The following CCDC83 variants were observed in gnomAD, a reference collection of about 807,000 sequenced individuals.
The protein encoded by CCDC83 is coiled-coil domain containing 83.
Under a neutral mutation model 50.1 loss-of-function variants are expected in CCDC83, and 54 were observed. The observed-to-expected ratio is 1.08, with a 90% confidence interval of 0.87 to 1.35. The LOEUF (loss-of-function observed/expected upper bound fraction) is 1.35, where lower values mean the gene tolerates loss of function less well. Ranked by LOEUF, CCDC83 falls within the 40% of genes most tolerant of loss-of-function variation. CCDC83 has a pLI of 0.00. For missense variants in CCDC83, 518 were observed against 473.9 expected, an observed-to-expected ratio of 1.09 and a Z score of -0.86; for synonymous variants, 161 against 153.3, an observed-to-expected ratio of 1.05 and a Z score of -0.37.
rs1402797885 is a variant in CCDC83 at position 85,895,404 on chromosome 11, A to G, written c.603+20A>G. Reference sequence around the variant, plus strand: ...ACACAGGTATAATTCAATTTTCTTAAAAACAGAACAAAACAAACATTTTCC... The same window carrying G: ...ACACAGGTATAATTCAATTTTCTTAGAAACAGAACAAAACAAACATTTTCC... On this transcript the variant is annotated intron_variant, in intron 6 of 10. Transcript: ENST00000342404. 7.4e-7 allele frequency: 1 copy of G among 1,352,854 alleles called. No individual in the cohort carries two copies. The highest frequency in any genetic ancestry group is 2.0e-5 in the Admixed American group (1 of 49,228). 83.8% of individuals were successfully genotyped at this position (1,352,854 alleles called of 1,614,324 possible). A position where few individuals can be genotyped will look rare whatever the true frequency, so the allele number is the denominator to read the frequency against.
chr11:85,898,852 C>A, intron 6 of CCDC83, 95 bp from the exon 7 acceptor site: 2 of 875,556 alleles, frequency 2.3e-6, no homozygotes, highest in Non-Finnish European at 3.8e-6. Context: ...CAGACACAAT[C>A]TAAAATGAAT....
chr11:85,915,375 A>G (rs1406318729), intron 8 of CCDC83, 44 bp from the exon 9 acceptor site: 1 of 1,352,276 alleles, frequency 7.4e-7, no homozygotes, highest in African/African-American at 1.5e-5. Context: ...ATGCAATGCA[A>G]TATTTATTGA....
intron 7 of CCDC83, among the ~76,000 whole-genome samples, chr11:85,905,735 C>G (rs548343965): frequency 6.6e-6 from 1 of 151,728 alleles, no homozygotes; most frequent in East Asian, 2.0e-4. Flanking sequence ...TTTGGGAGGC[C>G]GAGGCAGGTG....
intron 10 of CCDC83, among the ~76,000 whole-genome samples, chr11:85,917,206 G>GAAAT (rs1554986931): frequency 8.0e-6 from 1 of 125,172 alleles, no homozygotes; most frequent in Non-Finnish European, 1.7e-5. Context: ...AAGAAAGAAA[G>GAAAT]AAGGAAAGAA....
At chr11:85,876,180 C>T (rs2093268132) in intron 3 of CCDC83, among the ~76,000 whole-genome samples, 1 of 152,170 alleles carries the variant, frequency 6.6e-6, no homozygotes, top group South Asian at 2.1e-4. Context: ...TTAATTATCA[C>T]ATTTAGCAGA....
intron 7 of CCDC83, among the ~76,000 whole-genome samples, chr11:85,904,413 C>T: frequency 6.6e-6 from 1 of 152,208 alleles, no homozygotes; most frequent in East Asian, 1.9e-4. Flanking sequence ...ATGAGGACAG[C>T]AGTACCTTAA....
chr11:85,865,383 GT>G (rs1479756516), intron 2 of CCDC83, among the ~76,000 whole-genome samples, 165 bp downstream of exon 2: 1 of 152,236 alleles, frequency 6.6e-6, no homozygotes, highest in African/African-American at 2.4e-5. Flanking sequence ...ATTTTTAAAG[GT>G]TTTTGAAACT....
At chr11:85,901,109 A>G (rs1428357578) in intron 7 of CCDC83, among the ~76,000 whole-genome samples, 2 of 151,338 alleles carry the variant, frequency 1.3e-5, no homozygotes, top group Non-Finnish European at 1.5e-5. Flanking sequence ...GCTCACATCT[A>G]TAATCCCAGC....
At chr11:85,900,562 G>A (rs992966395) in intron 7 of CCDC83, among the ~76,000 whole-genome samples, 11 of 152,060 alleles carry the variant, frequency 7.2e-5, no homozygotes, top group African/African-American at 2.7e-4. Flanking sequence ...TTTACACAGT[G>A]GTGGGGAAAA....
At chr11:85,914,222 T>A (rs997949673) in intron 8 of CCDC83, among the ~76,000 whole-genome samples, 1 of 152,200 alleles carries the variant, frequency 6.6e-6, no homozygotes, top group African/African-American at 2.4e-5. Context: ...TTTAAATAAC[T>A]CACAGCCCCT....
At chr11:85,874,390 G>A (rs576105015) in intron 3 of CCDC83, among the ~76,000 whole-genome samples, 1 of 152,312 alleles carries the variant, frequency 6.6e-6, no homozygotes, top group African/African-American at 2.4e-5. Flanking sequence ...GGACTTGGTT[G>A]TGGAAAGTAA....
chr11:85,906,460 T>A (rs900175006), intron 7 of CCDC83, among the ~76,000 whole-genome samples: 8 of 152,206 alleles, frequency 5.3e-5, no homozygotes, highest in Admixed American at 3.9e-4. Context: ...AGGGCTGTTT[T>A]CATGACTTGA....
chr11:85,879,807 T>A (rs2093289482), intron 3 of CCDC83, among the ~76,000 whole-genome samples: 1 of 152,094 alleles, frequency 6.6e-6, no homozygotes, highest in Non-Finnish European at 1.5e-5. Context: ...TTAATAGAGA[T>A]GTGGTTTCAC....
At chr11:85,898,830 C>A in intron 6 of CCDC83, 117 bp from the exon 7 acceptor site, 1 of 748,718 alleles carries the variant, frequency 1.3e-6, no homozygotes, top group Non-Finnish European at 2.3e-6. Context: ...AAGTATGTTC[C>A]TAAAGTAATT....
At chr11:85,885,617 G>A (rs913844107) in intron 4 of CCDC83, among the ~76,000 whole-genome samples, 1 of 152,164 alleles carries the variant, frequency 6.6e-6, no homozygotes, top group African/African-American at 2.4e-5. Context: ...ATTTAACTGG[G>A]GAACTTGCCC....
Position 85,882,626 on chromosome 11 carries a change from G to A in CCDC83, c.294G>A (p.Ala98=), listed in dbSNP as rs760487309. ...PVVTREDVEE[A]MKEKWKFERD... ...TAACAAGAGAGGATGTTGAAGAAGC[G>A]ATGAAGGAAAAATGGAAGTTTGAAA... is the stretch of plus-strand genomic sequence containing the variant. The change falls in exon 4 of 11, where the codon GCG becomes GCA. Residue 98 remains alanine, a synonymous_variant. Coordinates refer to ENST00000342404, the MANE Select transcript of CCDC83 (RefSeq NM_001286159.2). 32 of 1,613,858 alleles carry A rather than the reference G, an allele frequency of 2.0e-5. No individual in the cohort carries two copies. In the South Asian group the frequency reaches 2.3e-4, roughly 12 times the overall value.
At chr11:85,860,641 T>C (rs983844483) in intron 1 of CCDC83, among the ~76,000 whole-genome samples, 2 of 152,198 alleles carry the variant, frequency 1.3e-5, no homozygotes, top group African/African-American at 4.8e-5. Context: ...ACTGGATATA[T>C]ACCCTAAGGA....
intron 10 of CCDC83, among the ~76,000 whole-genome samples, chr11:85,917,196 AAGAAAGAAAGAAG>A (rs1565160140): frequency 8.9e-6 from 1 of 112,578 alleles, no homozygotes; most frequent in African/African-American, 3.3e-5. Flanking sequence ...AAGAAAGAGA[AAGAAAGAAAGAAG>A]GAAAGAAAGA....
At chr11:85,908,890 G>A (rs1303940780) in intron 7 of CCDC83, among the ~76,000 whole-genome samples, 1 of 152,102 alleles carries the variant, frequency 6.6e-6, no homozygotes, top group Non-Finnish European at 1.5e-5. Context: ...ACTCCAGTCT[G>A]GGTGACAGAG....
Sources: allele counts gnomAD v4.1 joint callset (sites outside exome capture counted in the v4.1 genomes callset), GRCh38; gene constraint gnomAD v4.1.1; transcripts MANE v1.5; gene names NCBI Gene and HGNC (gene_info 2026-07-23, HGNC 2026-07-21).